ADAMTSL1: variants seen among roughly 807,000 people sequenced by gnomAD.
ADAMTSL1 encodes ADAMTS-like protein 1.
Under a neutral mutation model 201.8 loss-of-function variants are expected in ADAMTSL1, and 126 were observed. The observed-to-expected ratio is 0.62, with a 90% CI of 0.54 to 0.72. The LOEUF (loss-of-function observed/expected upper bound fraction) is 0.72. ADAMTSL1 is among the 30% of genes least tolerant of loss of function. The pLI, the probability that ADAMTSL1 is intolerant of heterozygous loss-of-function variation, is 0.00. For synonymous variants in ADAMTSL1, 1,121 were observed against 903.4 expected (o/e 1.24, Z -4.32); for missense variants, 2,679 against 2,277.8 (o/e 1.18, Z -3.59).
chr9:18,157,199 A>G (rs1219929084), intron 1 of ADAMTSL1, among the ~76,000 whole-genome samples: 1 of 152,080 alleles, frequency 6.6e-6, no homozygotes, highest in African/African-American at 2.4e-5. Flanking sequence ...TACACAGTGC[A>G]TGCCCGCTGA....
At chr9:18,443,231 G>A (rs1820065643) in intron 2 of ADAMTSL1, among the ~76,000 whole-genome samples, 1 of 152,216 alleles carries the variant, frequency 6.6e-6, no homozygotes, top group South Asian at 2.1e-4. Flanking sequence ...TACTAAAGTT[G>A]TAATTTCATC....
intron 2 of ADAMTSL1, among the ~76,000 whole-genome samples, chr9:18,532,971 A>G (rs550355916): frequency 2.6e-5 from 4 of 152,096 alleles, no homozygotes; most frequent in East Asian, 1.9e-4. Context: ...AGTTTGTACT[A>G]ATATTTATTT....
intron 2 of ADAMTSL1, among the ~76,000 whole-genome samples, chr9:18,247,289 G>T (rs1831294075): frequency 6.6e-6 from 1 of 152,084 alleles, no homozygotes; most frequent in African/African-American, 2.4e-5. Flanking sequence ...AAAATTATCA[G>T]GGTGCCCTAA....
intron 2 of ADAMTSL1, among the ~76,000 whole-genome samples, chr9:18,456,631 C>T (rs1374178372): frequency 6.6e-6 from 1 of 152,142 alleles, no homozygotes. Context: ...TATTCGATTA[C>T]CACATTTCTA....
chr9:18,749,016 C>T (rs1010414270), intron 15 of ADAMTSL1, among the ~76,000 whole-genome samples: 1 of 152,150 alleles, frequency 6.6e-6, no homozygotes, highest in Non-Finnish European at 1.5e-5. Context: ...CTGGCTCTGT[C>T]GTCGCATGGC....
chr9:18,331,526 A>G (rs188734767), intron 2 of ADAMTSL1, among the ~76,000 whole-genome samples: 10 of 152,312 alleles, frequency 6.6e-5, no homozygotes, highest in Admixed American at 6.5e-4. Flanking sequence ...TACAGTGCAC[A>G]TGGTGATAGC....
chr9:18,654,426 A>G (rs1227245576), intron 7 of ADAMTSL1, among the ~76,000 whole-genome samples: 1 of 152,218 alleles, frequency 6.6e-6, no homozygotes, highest in African/African-American at 2.4e-5. Flanking sequence ...AAAGGTATAT[A>G]ATTCAATTGT....
In ADAMTSL1 at chr9:18,310,904, T is replaced by C. The variant is rs142981750; in HGVS notation, c.207+146923T>C. Among the ~76,000 whole-genome samples the C allele has an allele frequency of 7.5e-4, 114 of 152,186 alleles. 1 individual carries two copies. The highest frequency in any genetic ancestry group is 2.6e-3 in the African/African-American group (110 of 41,548). On this transcript the variant is annotated intron_variant, in intron 2 of 29. Transcript: ENST00000680146. ...ATGCTGCTATGAAGACACATGCACA[T>C]GTATGTTTATTGCAGCACTATTCAC...
intron 23 of ADAMTSL1, among the ~76,000 whole-genome samples, chr9:18,853,191 A>G (rs1259323414): frequency 1.3e-5 from 2 of 152,236 alleles, no homozygotes; most frequent in African/African-American, 4.8e-5. Flanking sequence ...AGACAGGAAC[A>G]TAGGTGAGAA....
intron 23 of ADAMTSL1, among the ~76,000 whole-genome samples, chr9:18,833,539 T>G (rs1484137552): frequency 6.6e-6 from 1 of 152,238 alleles, no homozygotes; most frequent in Non-Finnish European, 1.5e-5. Flanking sequence ...TTGCCCACTT[T>G]TTAATGCAAT....
At chr9:18,521,079 A>G (rs1467385300) in intron 2 of ADAMTSL1, among the ~76,000 whole-genome samples, 1 of 152,158 alleles carries the variant, frequency 6.6e-6, no homozygotes, top group Non-Finnish European at 1.5e-5. Flanking sequence ...AATGAAGGAG[A>G]TTTAACCTCA....
intron 3 of ADAMTSL1, among the ~76,000 whole-genome samples, chr9:18,569,157 T>A (rs1302301759): frequency 6.6e-6 from 1 of 152,186 alleles, no homozygotes; most frequent in Admixed American, 6.5e-5. Flanking sequence ...TCTACTGTCA[T>A]CATCAGGGGA....
At chr9:18,515,488 T>A (rs10963620) in intron 2 of ADAMTSL1, among the ~76,000 whole-genome samples, 1 of 151,910 alleles carries the variant, frequency 6.6e-6, no homozygotes, top group Non-Finnish European at 1.5e-5. Context: ...GCATGAGCAA[T>A]CATGCCTGGC....
At chr9:18,287,502 A>G (rs1159875215) in intron 2 of ADAMTSL1, among the ~76,000 whole-genome samples, 4 of 151,548 alleles carry the variant, frequency 2.6e-5, no homozygotes, top group African/African-American at 4.8e-5. Context: ...ATGTATTTAT[A>G]TGTGCACATA....
chr9:18,573,844 C>T (rs1313430133), intron 3 of ADAMTSL1, among the ~76,000 whole-genome samples, 186 bp from the exon 4 acceptor site: 2 of 152,234 alleles, frequency 1.3e-5, no homozygotes, highest in East Asian at 3.9e-4. Context: ...ATTGCTTTAT[C>T]AGATTTCTAC....
chr9:18,770,529 G>A, intron 16 of ADAMTSL1, 73 bp from the exon 17 acceptor site: 4 of 1,406,902 alleles, frequency 2.8e-6, no homozygotes. Context: ...GCCAAATTAA[G>A]ATAAGAATTA....
At chr9:18,249,747 C>G (rs544776831) in intron 2 of ADAMTSL1, among the ~76,000 whole-genome samples, 2 of 152,296 alleles carry the variant, frequency 1.3e-5, no homozygotes, top group African/African-American at 2.4e-5. Context: ...TCATGTTACT[C>G]TCAACCAAAA....
At chr9:18,420,155 G>C (rs1215673688) in intron 2 of ADAMTSL1, among the ~76,000 whole-genome samples, 1 of 152,206 alleles carries the variant, frequency 6.6e-6, no homozygotes, top group Non-Finnish European at 1.5e-5. Flanking sequence ...ACTTTTAATG[G>C]TGAAAACCGC....
rs1012141161 is a variant in ADAMTSL1, at chr9:18,775,777, G to C, written c.2432G>C (p.Arg811Pro). 13 of 1,612,898 alleles carry C rather than the reference G, an allele frequency of 8.1e-6. No homozygotes were observed. Among genetic ancestry groups the C allele is most frequent in the Non-Finnish European group, 1.1e-5 (13 of 1,179,506 alleles). ...AGCTGCGGGGAAGGCACCCAGACTC[G>C]AAGCGCCATTTGCCGAAAGATGCTG... is the stretch of plus-strand genomic sequence containing the variant. ...STSCGEGTQT[R>P]SAICRKMLKT... Residue 811 changes from arginine to proline, a missense_variant, in exon 18 of 29, where the codon CGA becomes CCA. Physicochemically the swap from Arg to Pro is moderately radical, Grantham distance 103. Transcript: ENST00000380548.
Sources: gnomAD v4.1 joint callset for allele counts (sites outside exome capture counted in the v4.1 genomes callset) on GRCh38, gnomAD v4.1.1 for gene constraint, MANE v1.5 for transcripts, NCBI Gene and HGNC (gene_info 2026-07-23, HGNC 2026-07-21) for gene names.